LGALS8: variants seen among roughly 807,000 people sequenced by gnomAD.
LGALS8 encodes galectin-8.
LGALS8 carries 30 observed loss-of-function variants against 35.9 expected under a neutral mutation model. The ratio of observed to expected loss-of-function variants is 0.83; its 90% CI spans 0.62 to 1.13. The LOEUF (loss-of-function observed/expected upper bound fraction) is 1.13, where lower values mean the gene tolerates loss of function less well. Ranked by LOEUF, LGALS8 falls within the 50% of genes most tolerant of loss-of-function variation. LGALS8 has a pLI of 0.00. For missense variants in LGALS8, 366 were observed against 388.7 expected (o/e 0.94, Z 0.49); for synonymous variants, 138 against 136.1 (o/e 1.01, Z -0.10).
At chr1:236,518,542 T>C (rs1487276920), upstream of LGALS8, 1 of 152,206 alleles carries the variant, frequency 6.6e-6, no homozygotes, top group Non-Finnish European at 1.5e-5. Context: ...CCTGAAGATG[T>C]TGCATAATTT....
At chr1:236,528,443 C>A (rs1660948641) in intron 2 of LGALS8, among the ~76,000 whole-genome samples, 2 of 149,948 alleles carry the variant, frequency 1.3e-5, no homozygotes, top group African/African-American at 2.5e-5. Flanking sequence ...TGTTTTGTTA[C>A]TGATAGGTTC....
chr1:236,529,854 T>C (rs560757102), intron 2 of LGALS8, among the ~76,000 whole-genome samples: 2 of 152,062 alleles, frequency 1.3e-5, no homozygotes, highest in Non-Finnish European at 2.9e-5. Flanking sequence ...GGTTTCACCA[T>C]GTTGGCCAGC....
intron 2 of LGALS8, among the ~76,000 whole-genome samples, chr1:236,529,581 C>CA (rs767790332): frequency 0.041 from 3,661 of 89,246 alleles, 63 homozygotes; most frequent in Non-Finnish European, 0.051. Flanking sequence ...TACTTCATCT[C>CA]AAAAAAAAAA....
chr1:236,547,959 A>G, intron 9 of LGALS8, 53 bp from the exon 10 acceptor site: 1 of 1,518,870 alleles, frequency 6.6e-7, no homozygotes. Context: ...TGTAACAAAC[A>G]CAAAATTTTA....
At chr1:236,543,021 C>CTA (rs1558166493) in intron 7 of LGALS8, 1 of 1,614,066 alleles carries the variant, frequency 6.2e-7, no homozygotes, top group Non-Finnish European at 8.5e-7. Context: ...AAAATACCAC[C>CTA]TATGAACTAT....
chr1:236,524,079 C>T lies in LGALS8; in HGVS notation c.-104+18C>T, dbSNP rs1558152945. The stretch of plus-strand genomic sequence containing the variant: ...GTCTTTGGGTGAGTCGCGCGACCCC[C>T]GGCCTCGGGTGGCGGGGCAGTCGCT... On this transcript the variant is annotated intron_variant, in intron 1 of 9. Coordinates refer to ENST00000366584, the MANE Select transcript of LGALS8 (RefSeq NM_201544.4). The T allele has an allele frequency of 2.2e-6, 1 of 455,488 alleles. No individual in the cohort carries two copies. Among genetic ancestry groups the T allele is most frequent in the Admixed American group, 2.4e-5 (1 of 42,538 alleles). 28.2% of individuals were successfully genotyped at this position (455,488 alleles called of 1,614,324 possible). A position where few individuals can be genotyped will look rare whatever the true frequency, so the allele number is the denominator to read the frequency against.
At chr1:236,531,094 TA>T (rs1661115898) in intron 2 of LGALS8, among the ~76,000 whole-genome samples, 1 of 152,238 alleles carries the variant, frequency 6.6e-6, no homozygotes, top group Non-Finnish European at 1.5e-5. Flanking sequence ...TCATTTTATT[TA>T]GAACTTCCTC....
intron 1 of LGALS8, chr1:236,524,432 C>T: frequency 2.2e-6 from 1 of 456,750 alleles, no homozygotes; most frequent in Non-Finnish European, 4.4e-6. Context: ...CGAGCGCCAC[C>T]TCCAAGTGGA....
rs1164137919 is a variant in LGALS8 at position 236,552,190 on chromosome 1, C to A, written c.*4029C>A. 6.8e-6 allele frequency: 6 copies of A among 881,646 alleles called. No individual in the cohort carries two copies. Among genetic ancestry groups the A allele is most frequent in the Non-Finnish European group, 1.1e-5 (6 of 556,858 alleles). The allele number at this position is 881,646 out of a possible 1,614,324, so 54.6% of individuals were successfully genotyped here. On this transcript the variant is annotated 3_prime_UTR_variant, in exon 10 of 10. Coordinates refer to ENST00000366584, the MANE Select transcript of LGALS8 (RefSeq NM_201544.4). ...AAGAGCTGTACTGACTTGAGACAAG[C>A]TCTAACTTTTTAAACATTAGTTCAC... is the stretch of plus-strand genomic sequence containing the variant.
chr1:236,519,107 G>T (rs1660482493), upstream of LGALS8, among the ~76,000 whole-genome samples: 1 of 151,798 alleles, frequency 6.6e-6, no homozygotes, highest in Non-Finnish European at 1.5e-5. Context: ...ACTTAATTTT[G>T]CCTGGGTATG....
At position 236,544,913 on chromosome 1, in the gene LGALS8, G is replaced by T; in HGVS notation, c.802G>T (p.Glu268Ter). 1 of 1,604,178 alleles carries T rather than the reference G, an allele frequency of 6.2e-7. No individual in the cohort carries two copies. Among genetic ancestry groups the T allele is most frequent in the South Asian group, 1.1e-5 (1 of 89,166 alleles). Residue 268 changes from glutamate to a stop codon, truncating the protein, a stop_gained and splice_region_variant, in exon 9 of 10, where the codon GAG becomes TAG. Transcript: ENST00000366584. LOFTEE classifies it high-confidence loss of function. ...CCCATTTAGTCCTGGGATGTACTTT[G>T]AGGTGAGGTTACAGTTTTTGAAAAT... ...SFPFSPGMYF[E>*]MIIYCDVREF...
chr1:236,544,946 C>CAATAAGAATAAG, intron 9 of LGALS8, 31 bp downstream of exon 9: 2 of 1,543,336 alleles, frequency 1.3e-6, no homozygotes, highest in Non-Finnish European at 1.8e-6. Context: ...AATGGGACAG[C>CAATAAGAATAAG]AATAAGAATC....
chr1:236,525,886 A>G, intron 1 of LGALS8, 82 bp from the exon 2 acceptor site: 1 of 476,798 alleles, frequency 2.1e-6, no homozygotes, highest in East Asian at 3.1e-5. Flanking sequence ...GTAACATAAT[A>G]TATAATTTAA....
At chr1:236,533,396 C>G (rs1054874491) in intron 2 of LGALS8, among the ~76,000 whole-genome samples, 1 of 151,584 alleles carries the variant, frequency 6.6e-6, no homozygotes, top group Non-Finnish European at 1.5e-5. Flanking sequence ...GTGCAATGGC[C>G]CGATCTCGGC....
Position 236,538,879 on chromosome 1 carries a change from A to G in LGALS8, c.135A>G (p.Arg45=). The G allele has an allele frequency of 6.2e-7, 1 of 1,611,438 alleles. No homozygotes were observed. The highest frequency in any genetic ancestry group is 1.1e-5 in the South Asian group (1 of 90,982). The change falls in exon 4 of 10, where the codon AGA becomes AGG. Residue 45 remains arginine (R), a splice_region_variant and synonymous_variant. Transcript: ENST00000366584. The stretch of plus-strand genomic sequence containing the variant: ...GGCCCCTGTGTCTTCCCTCATATAG[A>G]TTCCAGGTGGATCTGCAGAATGGCA... The part of the protein sequence containing the change: ...IRGHVPSDAD[R]FQVDLQNGSS...
chr1:236,543,160 C>T (rs1488285194), intron 7 of LGALS8: 2 of 912,150 alleles, frequency 2.2e-6, no homozygotes, highest in Admixed American at 4.2e-5. Flanking sequence ...TGTGTGCCGT[C>T]CCTGGACGGA....
rs948076427 is a variant in LGALS8 at position 236,552,114 on chromosome 1, G to A, written c.*3953G>A. The A allele has an allele frequency of 3.2e-6, 5 of 1,572,394 alleles. No individual in the cohort carries two copies. Among genetic ancestry groups the A allele is most frequent in the Non-Finnish European group, 4.4e-6 (5 of 1,143,776 alleles). On this transcript the variant is annotated 3_prime_UTR_variant, in exon 10 of 10. Coordinates refer to ENST00000366584, the MANE Select transcript of LGALS8 (RefSeq NM_201544.4). ...TCAAAGCAGCAAATCGAACCTGAAA[G>A]GGATAAAAGAGCAAAGAAATAAAAA...
chr1:236,529,647 C>CT (rs780751484), intron 2 of LGALS8, among the ~76,000 whole-genome samples: 3,489 of 106,066 alleles, frequency 0.033, 90 homozygotes, highest in Middle Eastern at 0.044. Flanking sequence ...TCTTTCTTCT[C>CT]TTTTTTTTTT....
At chr1:236,520,969 A>C (rs570698947), upstream of LGALS8, among the ~76,000 whole-genome samples, 4 of 152,206 alleles carry the variant, frequency 2.6e-5, no homozygotes, top group East Asian at 7.7e-4. Flanking sequence ...CAGCAGCTTA[A>C]ACTTTGACTC....
Sources: allele counts gnomAD v4.1 joint callset (sites outside exome capture counted in the v4.1 genomes callset), GRCh38; gene constraint gnomAD v4.1.1; transcripts MANE v1.5; gene names NCBI Gene and HGNC (gene_info 2026-07-23, HGNC 2026-07-21).